Variants in DCHS2 observed in about 807,000 individuals in gnomAD.
The protein encoded by DCHS2 is protocadherin-23.
Under a neutral mutation model 182.4 loss-of-function variants are expected in DCHS2, and 142 were observed. The ratio of observed to expected loss-of-function variants is 0.78; its 90% CI spans 0.68 to 0.89. The LOEUF is 0.89. Among genes scored for constraint, DCHS2 ranks in the 40% least tolerant of loss-of-function variants. The probability of loss-of-function intolerance (pLI) is 0.00; values close to 1 mark genes in which losing one functional copy is unlikely to be tolerated. For missense variants in DCHS2, 4,319 were observed against 4,198.6 expected (o/e 1.03, Z -0.79); for synonymous variants, 1,740 against 1,663.3 (o/e 1.05, Z -1.12).
At chr4:154,468,667 T>C (rs184749161) in intron 1 of DCHS2, among the ~76,000 whole-genome samples, 2 of 152,300 alleles carry the variant, frequency 1.3e-5, no homozygotes, top group African/African-American at 4.8e-5. Flanking sequence ...TACAACGGTT[T>C]CTCCTAAAAT....
intron 1 of DCHS2, among the ~76,000 whole-genome samples, chr4:154,456,895 G>T (rs1369150917): frequency 6.6e-6 from 1 of 151,990 alleles, no homozygotes; most frequent in African/African-American, 2.4e-5. Context: ...TGCCATATGG[G>T]ACTTTTTTGC....
chr4:154,459,413 AATC>A (rs2110993819), intron 1 of DCHS2, among the ~76,000 whole-genome samples: 1 of 152,300 alleles, frequency 6.6e-6, no homozygotes, highest in African/African-American at 2.4e-5. Flanking sequence ...ACTTTAAAAA[AATC>A]ATCAAAAAAT....
At chr4:154,483,306 G>T (rs1735993069) in intron 1 of DCHS2, among the ~76,000 whole-genome samples, 1 of 152,136 alleles carries the variant, frequency 6.6e-6, no homozygotes, top group African/African-American at 2.4e-5. Context: ...AAAAATAAAT[G>T]CAAACCAAAT....
intron 1 of DCHS2, among the ~76,000 whole-genome samples, chr4:154,437,282 C>A (rs1269020531): frequency 6.6e-6 from 1 of 152,148 alleles, no homozygotes; most frequent in Non-Finnish European, 1.5e-5. Flanking sequence ...AAAATGAGAA[C>A]CACTGCTTCC....
intron 8 of DCHS2, 145 bp downstream of exon 8, chr4:154,322,186 T>C: frequency 1.7e-6 from 2 of 1,196,798 alleles, no homozygotes; most frequent in African/African-American, 1.5e-5. Flanking sequence ...GTATGCTATG[T>C]GCAATGCTCT....
chr4:154,485,504 A>T (rs1321595525), intron 1 of DCHS2, among the ~76,000 whole-genome samples: 2 of 152,202 alleles, frequency 1.3e-5, no homozygotes, highest in African/African-American at 4.8e-5. Context: ...ATTCACAAGG[A>T]CTGACGGAGA....
chr4:154,287,422 G>C (rs1480927419), intron 13 of DCHS2, among the ~76,000 whole-genome samples: 2 of 152,136 alleles, frequency 1.3e-5, no homozygotes, highest in East Asian at 3.9e-4. Context: ...AGTCAAGACA[G>C]TACAATAAGA....
chr4:154,393,678 C>T (rs1461162252), intron 1 of DCHS2, among the ~76,000 whole-genome samples: 1 of 111,208 alleles, frequency 9.0e-6, no homozygotes. Context: ...CAGAAATGTC[C>T]CACCAGTCCA....
intron 1 of DCHS2, among the ~76,000 whole-genome samples, chr4:154,382,838 CA>C (rs1337990249): frequency 6.6e-6 from 1 of 151,868 alleles, no homozygotes; most frequent in African/African-American, 2.4e-5. Flanking sequence ...ATTGAAAAGT[CA>C]AAAAATAACA....
At chr4:154,247,351 G>A (rs569424411) in intron 16 of DCHS2, among the ~76,000 whole-genome samples, 8 of 151,866 alleles carry the variant, frequency 5.3e-5, no homozygotes, top group Admixed American at 2.6e-4. Flanking sequence ...GGTAGCGGGC[G>A]CCTGTAGTCC....
At chr4:154,440,122 C>T (rs17373598) in intron 1 of DCHS2, among the ~76,000 whole-genome samples, 46,588 of 152,092 alleles carry the variant, frequency 0.31, 8,921 homozygotes, top group East Asian at 0.69. Context: ...CAGAATGCTC[C>T]GTGCCAAGTG....
At chr4:154,461,719 T>A (rs1233282494) in intron 1 of DCHS2, among the ~76,000 whole-genome samples, 1 of 151,960 alleles carries the variant, frequency 6.6e-6, no homozygotes, top group African/African-American at 2.4e-5. Context: ...AGATGTTGCC[T>A]TTTTTTTCCT....
chr4:154,465,266 G>A (rs1735192272), intron 1 of DCHS2, among the ~76,000 whole-genome samples: 1 of 152,128 alleles, frequency 6.6e-6, no homozygotes, highest in Admixed American at 6.6e-5. Flanking sequence ...GTTGGCAGGA[G>A]CTTCAGTTCC....
intron 3 of DCHS2, among the ~76,000 whole-genome samples, chr4:154,360,380 A>G (rs1378240124): frequency 6.6e-6 from 1 of 152,068 alleles, no homozygotes; most frequent in Non-Finnish European, 1.5e-5. Flanking sequence ...TTCCATCTTT[A>G]TAAGTCTGTG....
intron 1 of DCHS2, among the ~76,000 whole-genome samples, chr4:154,388,737 A>T (rs1415114524): frequency 1.3e-5 from 2 of 151,774 alleles, no homozygotes; most frequent in Admixed American, 6.6e-5. Context: ...CTCGTGATCC[A>T]CCCGCCTCGG....
At chr4:154,290,284 A>T (rs1369558654) in intron 13 of DCHS2, among the ~76,000 whole-genome samples, 1 of 152,212 alleles carries the variant, frequency 6.6e-6, no homozygotes, top group East Asian at 1.9e-4. Flanking sequence ...TGATGAAAAA[A>T]ATTGAGGAGG....
intron 1 of DCHS2, among the ~76,000 whole-genome samples, chr4:154,412,362 A>G (rs1310392672): frequency 3.9e-5 from 6 of 152,204 alleles, no homozygotes; most frequent in Non-Finnish European, 8.8e-5. Flanking sequence ...CTGAGCCTTC[A>G]GAGTGAGTAA....
At chr4:154,300,799 C>T (rs925813709) in intron 12 of DCHS2, among the ~76,000 whole-genome samples, 1 of 151,982 alleles carries the variant, frequency 6.6e-6, no homozygotes, top group African/African-American at 2.4e-5. Context: ...ACAATATTTG[C>T]GTGCAGGAAG....
intron 14 of DCHS2, among the ~76,000 whole-genome samples, chr4:154,263,293 T>C (rs936832740): frequency 9.2e-5 from 14 of 152,182 alleles, no homozygotes; most frequent in South Asian, 2.1e-4. Context: ...AAAAGCTTTC[T>C]TGACAGCAAT....
Sources: gnomAD v4.1 joint callset for allele counts (sites outside exome capture counted in the v4.1 genomes callset) on GRCh38, gnomAD v4.1.1 for gene constraint, MANE v1.5 for transcripts, NCBI Gene and HGNC (gene_info 2026-07-23, HGNC 2026-07-21) for gene names.